GOLGA7B: variants seen among roughly 807,000 people sequenced by gnomAD.
The protein encoded by GOLGA7B is golgin subfamily A member 7B.
A neutral mutation model predicts 21.5 loss-of-function variants in GOLGA7B; 17 were observed. The observed-to-expected ratio is 0.79, with a 90% CI of 0.54 to 1.19. GOLGA7B has a LOEUF of 1.19. Ranked by LOEUF, GOLGA7B falls within the 50% of genes most tolerant of loss-of-function variation. The pLI, the probability that GOLGA7B is intolerant of heterozygous loss-of-function variation, is 0.00. For missense variants in GOLGA7B, 169 were observed against 224.4 expected, an observed-to-expected ratio of 0.75 and a Z score of 1.58; for synonymous variants, 87 against 84.0, an observed-to-expected ratio of 1.04 and a Z score of -0.19.
At chr10:97,859,007 T>C (rs1953947) in intron 1 of GOLGA7B, among the ~76,000 whole-genome samples, 13,349 of 152,290 alleles carry the variant, frequency 0.088, 677 homozygotes, top group South Asian at 0.17. Flanking sequence ...TGTGTGTGTG[T>C]GCACGTGCAC....
chr10:97,860,412 G>C (rs2049963262), intron 2 of GOLGA7B, among the ~76,000 whole-genome samples: 1 of 152,074 alleles, frequency 6.6e-6, no homozygotes, highest in Non-Finnish European at 1.5e-5. Context: ...GAGTGCAGTG[G>C]TGTGACCACA....
At chr10:97,860,207 C>A (rs2049961863) in intron 2 of GOLGA7B, among the ~76,000 whole-genome samples, 1 of 152,156 alleles carries the variant, frequency 6.6e-6, no homozygotes, top group South Asian at 2.1e-4. Context: ...TACAAGCATG[C>A]CATGTGTAAT....
chr10:97,855,230 A>G (rs2049927897), intron 1 of GOLGA7B, among the ~76,000 whole-genome samples: 1 of 152,176 alleles, frequency 6.6e-6, no homozygotes, highest in African/African-American at 2.4e-5. Context: ...AATTAGCAAC[A>G]TCGTTTTTCA....
intron 1 of GOLGA7B, among the ~76,000 whole-genome samples, chr10:97,851,296 A>G (rs1357806967): frequency 6.6e-6 from 1 of 152,080 alleles, no homozygotes; most frequent in African/African-American, 2.4e-5. Context: ...GCTGGCATAC[A>G]CTGGGGGAGA....
At chr10:97,855,796 G>C (rs939456829) in intron 1 of GOLGA7B, among the ~76,000 whole-genome samples, 1 of 152,144 alleles carries the variant, frequency 6.6e-6, no homozygotes, top group African/African-American at 2.4e-5. Flanking sequence ...GTTATCATAG[G>C]TTCCTAGTAG....
chr10:97,849,973 C>A lies in GOLGA7B; in HGVS notation c.-331C>A, dbSNP rs1166202474. Among the ~76,000 whole-genome samples the A allele has an allele frequency of 6.6e-6, 1 of 150,862 alleles. No homozygotes were observed. The highest frequency in any genetic ancestry group is 1.5e-5 in the Non-Finnish European group (1 of 67,414). On this transcript the variant is annotated 5_prime_UTR_variant, in exon 1 of 5. Coordinates refer to ENST00000370602, the MANE Select transcript of GOLGA7B (RefSeq NM_001010917.3). ...CCTCCCCCGGCCGCCCCCATCCCCG[C>A]CGCCGCCGCCGCCAAAGCTAAACCC...
intron 4 of GOLGA7B, chr10:97,864,856 CTT>C (rs918727378): frequency 3.9e-5 from 6 of 154,402 alleles, no homozygotes; most frequent in Admixed American, 3.2e-4. Context: ...GTTCTGCTGA[CTT>C]TATCTCCACT....
intron 1 of GOLGA7B, among the ~76,000 whole-genome samples, chr10:97,853,686 G>A (rs932110411): frequency 1.3e-5 from 2 of 152,200 alleles, no homozygotes; most frequent in African/African-American, 4.8e-5. Context: ...CTCTGGGTCA[G>A]TTAAGAACCC....
At position 97,858,010 on chromosome 10, in the gene GOLGA7B, T is replaced by C. The variant is rs77446451; in HGVS notation, c.13-1448T>C. Among the ~76,000 whole-genome samples the C allele has an allele frequency of 3.1e-3, 466 of 152,348 alleles. 1 individual carries two copies. Among genetic ancestry groups the C allele is most frequent in the Non-Finnish European group, 5.4e-3 (369 of 68,030 alleles). Reference sequence around the variant, plus strand: ...CAATCTCATCTCCCACTGTTTCTTATCTAATCTGCAAACCACCTCCATTCT... The same window carrying C: ...CAATCTCATCTCCCACTGTTTCTTACCTAATCTGCAAACCACCTCCATTCT... On this transcript the variant is annotated intron_variant, in intron 1 of 4. Coordinates refer to ENST00000370602, the MANE Select transcript of GOLGA7B (RefSeq NM_001010917.3).
chr10:97,858,924 C>T (rs1345055534), intron 1 of GOLGA7B, among the ~76,000 whole-genome samples: 1 of 152,248 alleles, frequency 6.6e-6, no homozygotes, highest in Non-Finnish European at 1.5e-5. Flanking sequence ...CTGGGTTCCC[C>T]AGGCACAGGG....
rs112433092 is a variant in GOLGA7B at position 97,865,518 on chromosome 10, T to C, written c.394-72T>C. 6,791 of 1,579,698 alleles carry C rather than the reference T, an allele frequency of 4.3e-3. 249 individuals are homozygous for C. In the African/African-American group the frequency reaches 0.078, roughly 18 times the overall value. Reference sequence around the variant, plus strand: ...CCACTTTCCCACTCCCCTGCTGGACTCCATCCGCTGGTTCATGTCCCACCC... The same window carrying C: ...CCACTTTCCCACTCCCCTGCTGGACCCCATCCGCTGGTTCATGTCCCACCC... On this transcript the variant is annotated intron_variant, in intron 4 of 4. Transcript: ENST00000370602.
At chr10:97,850,547 A>C (rs1031228439) in intron 1 of GOLGA7B, among the ~76,000 whole-genome samples, 5 of 152,118 alleles carry the variant, frequency 3.3e-5, no homozygotes, top group African/African-American at 7.2e-5. Flanking sequence ...ACTTGTTGGC[A>C]TTAGCGCCAG....
intron 2 of GOLGA7B, 143 bp downstream of exon 2, chr10:97,859,726 T>TA (rs2136515973): frequency 1.3e-6 from 1 of 785,394 alleles, no homozygotes; most frequent in Non-Finnish European, 1.9e-6. Context: ...GGATGAATTT[T>TA]AAAAAATCAA....
chr10:97,853,477 T>C (rs2049915654), intron 1 of GOLGA7B, among the ~76,000 whole-genome samples: 1 of 152,214 alleles, frequency 6.6e-6, no homozygotes, highest in South Asian at 2.1e-4. Flanking sequence ...GTGTGACCTG[T>C]GGTACCCACT....
At position 97,850,324 on chromosome 10, in the gene GOLGA7B, G is replaced by A; in HGVS notation, c.12+9G>A. ...GGATCATGGCCACCGAGGTAGGGGC[G>A]AGCGCCCCACCCGCAGGCAGTGCCC... On this transcript the variant is annotated intron_variant, in intron 1 of 4. Coordinates refer to ENST00000370602, the MANE Select transcript of GOLGA7B (RefSeq NM_001010917.3). The A allele has an allele frequency of 6.6e-7, 1 of 1,515,036 alleles. No individual in the cohort carries two copies. Among genetic ancestry groups the A allele is most frequent in the Non-Finnish European group, 8.8e-7 (1 of 1,132,650 alleles). The allele number at this position is 1,515,036 out of a possible 1,614,324, so 93.8% of individuals were successfully genotyped here.
chr10:97,857,362 GACAC>G (rs60908270), intron 1 of GOLGA7B, among the ~76,000 whole-genome samples: 27,927 of 135,310 alleles, frequency 0.21, 2,975 homozygotes, highest in East Asian at 0.49. Context: ...ACAATAGCCA[GACAC>G]ACACACACAC....
intron 1 of GOLGA7B, 101 bp downstream of exon 1, chr10:97,850,416 G>T: frequency 9.8e-7 from 1 of 1,017,502 alleles, no homozygotes; most frequent in Middle Eastern, 2.6e-4. Context: ...GTTGGGGGTG[G>T]GATGGGGTGA....
intron 1 of GOLGA7B, among the ~76,000 whole-genome samples, chr10:97,853,788 C>G (rs1020624654): frequency 6.6e-6 from 1 of 152,176 alleles, no homozygotes; most frequent in Non-Finnish European, 1.5e-5. Flanking sequence ...TTCAGAGCAT[C>G]ACGGATCTCT....
intron 4 of GOLGA7B, 31 bp downstream of exon 4, chr10:97,864,300 C>A: frequency 1.3e-6 from 2 of 1,563,072 alleles, no homozygotes; most frequent in Non-Finnish European, 1.8e-6. Context: ...GTGTTGAGGG[C>A]ACAGGACTGC....
Sources: gnomAD v4.1 joint callset for allele counts (sites outside exome capture counted in the v4.1 genomes callset) on GRCh38, gnomAD v4.1.1 for gene constraint, MANE v1.5 for transcripts, NCBI Gene and HGNC (gene_info 2026-07-23, HGNC 2026-07-21) for gene names.